AMY2B: variants seen among roughly 807,000 people sequenced by gnomAD.
AMY2B encodes the protein alpha-amylase 2B.
Under a neutral mutation model 59.3 loss-of-function variants are expected in AMY2B, and 63 were observed. That is an observed-to-expected ratio of 1.06 (90% confidence interval 0.87 to 1.31). The LOEUF (loss-of-function observed/expected upper bound fraction) is 1.31. Ranked by LOEUF, AMY2B falls within the 50% of genes most tolerant of loss-of-function variation. The probability of loss-of-function intolerance (pLI) is 0.00; values close to 1 mark genes in which losing one functional copy is unlikely to be tolerated. For missense variants in AMY2B, 635 were observed against 626.7 expected (o/e 1.01, Z -0.14); for synonymous variants, 180 against 198.1 (o/e 0.91, Z 0.77).
At position 103,579,423 on chromosome 1, in the gene AMY2B, G is replaced by A. The variant is rs150795802; in HGVS notation, c.1459G>A (p.Asp487Asn). ...AGGCATTAAAATCTACGTTTCTGAC[G>A]ATGGCAAAGCTCATTTTTCTATTAG... Reference protein sequence around the residue: ...CTGIKIYVSDDGKAHFSISNS... With the variant: ...CTGIKIYVSDNGKAHFSISNS... The change falls in exon 10 of 10, where the codon GAT becomes AAT. Residue 487 changes from aspartate to asparagine, a missense_variant. Physicochemically the swap from Asp to Asn is conservative, Grantham distance 23. Transcript: ENST00000684275. 3.2e-4 allele frequency: 516 copies of A among 1,611,640 alleles called. 1 individual carries two copies. Among genetic ancestry groups the A allele is most frequent in the Non-Finnish European group, 4.0e-4 (466 of 1,179,724 alleles).
intron 9 of AMY2B, among the ~76,000 whole-genome samples, chr1:103,578,399 A>G (rs1652446503): frequency 1.3e-5 from 2 of 152,126 alleles, no homozygotes; most frequent in Non-Finnish European, 2.9e-5. Context: ...TTTGAGTTTT[A>G]GTTCCGAAAC....
At chr1:103,565,893 G>A (rs1421696268) in intron 2 of AMY2B, among the ~76,000 whole-genome samples, 1 of 151,900 alleles carries the variant, frequency 6.6e-6, no homozygotes, top group African/African-American at 2.4e-5. Flanking sequence ...CTATCTCTTT[G>A]TTTTCTGGTC....
chr1:103,576,319 T>C (rs934835901), intron 7 of AMY2B, among the ~76,000 whole-genome samples: 4 of 152,192 alleles, frequency 2.6e-5, no homozygotes, highest in African/African-American at 9.6e-5. Context: ...AGAAGTCTGT[T>C]ACTTTGTATA....
At position 103,572,268 on chromosome 1, in the gene AMY2B, C is replaced by A; in HGVS notation, c.315+12C>A. 5 of 1,606,394 alleles carry A rather than the reference C, an allele frequency of 3.1e-6. No individual in the cohort carries two copies. The highest frequency in any genetic ancestry group is 4.2e-6 in the Non-Finnish European group (5 of 1,176,590). On this transcript the variant is annotated intron_variant, in intron 2 of 9. Coordinates refer to ENST00000684275, the MANE Select transcript of AMY2B (RefSeq NM_001387437.1). ...GTAACAATGTTGGGGTAAGTGAATT[C>A]TAGTTTCCTTGAAAAATAACAGATA...
At chr1:103,571,292 G>T, upstream of AMY2B, 1 of 753,358 alleles carries the variant, frequency 1.3e-6, no homozygotes, top group East Asian at 4.3e-5. Context: ...TTAAAGAGAT[G>T]ACAACAAATT....
chr1:103,576,612 C>G (rs143341276), intron 7 of AMY2B, among the ~76,000 whole-genome samples: 3 of 152,070 alleles, frequency 2.0e-5, no homozygotes, highest in African/African-American at 7.2e-5. Context: ...AAGTGCCAAT[C>G]AGAAAAACAT....
At chr1:103,575,571 T>C in intron 7 of AMY2B, 31 bp downstream of exon 7, 1 of 1,610,364 alleles carries the variant, frequency 6.2e-7, no homozygotes, top group Non-Finnish European at 8.5e-7. Context: ...AACTATCCTT[T>C]TCTCAAGAAA....
intron 1 of AMY2B, 117 bp downstream of exon 1, chr1:103,571,887 A>C (rs1479764326): frequency 1.3e-6 from 2 of 1,594,720 alleles, no homozygotes; most frequent in South Asian, 1.1e-5. Context: ...ATTCTAAGTA[A>C]GAGTTTTCTG....
intron 1 of AMY2B, among the ~76,000 whole-genome samples, chr1:103,558,855 G>A (rs188662994): frequency 6.6e-6 from 1 of 151,080 alleles, no homozygotes; most frequent in Non-Finnish European, 1.5e-5. Context: ...TATTAAACAA[G>A]ATCTAAGGAT....
chr1:103,574,131 T>G, intron 4 of AMY2B, 129 bp from the exon 5 acceptor site: 1 of 1,483,412 alleles, frequency 6.7e-7, no homozygotes, highest in Non-Finnish European at 9.0e-7. Context: ...CAAAAAGAAA[T>G]AATAAATAGC....
At chr1:103,565,216 G>C (rs182298758) in intron 1 of AMY2B, 1 of 152,144 alleles carries the variant, frequency 6.6e-6, no homozygotes, top group African/African-American at 2.4e-5. Flanking sequence ...AAAATCTACA[G>C]ATGCTCAAGT....
chr1:103,556,307 T>G (rs992466588), intron 1 of AMY2B, among the ~76,000 whole-genome samples: 1 of 152,160 alleles, frequency 6.6e-6, no homozygotes, highest in Non-Finnish European at 1.5e-5. Context: ...AGTTGAGATT[T>G]CCCTAGGTGA....
upstream of AMY2B, chr1:103,571,175 C>A: frequency 1.2e-6 from 1 of 821,492 alleles, no homozygotes; most frequent in Non-Finnish European, 1.5e-6. Flanking sequence ...TGCCAGAACA[C>A]CATGGGCTGT....
intron 7 of AMY2B, 169 bp downstream of exon 7, chr1:103,575,709 T>C (rs1487325321): frequency 9.7e-7 from 1 of 1,028,794 alleles, no homozygotes; most frequent in Non-Finnish European, 1.4e-6. Context: ...GTAAAATATA[T>C]ATTTTCCATT....
At chr1:103,568,732 TTATA>T (rs1034526833), upstream of AMY2B, 2 of 151,708 alleles carry the variant, frequency 1.3e-5, no homozygotes, top group African/African-American at 4.8e-5. Context: ...TTATTAGGAT[TTATA>T]TATATACACA....
At chr1:103,555,896 C>A (rs1651532208) in intron 1 of AMY2B, among the ~76,000 whole-genome samples, 1 of 151,848 alleles carries the variant, frequency 6.6e-6, no homozygotes, top group African/African-American at 2.4e-5. Context: ...AAACATAATG[C>A]CGGAAAGAGA....
intron 7 of AMY2B, 134 bp downstream of exon 7, chr1:103,575,674 TA>T: frequency 2.3e-6 from 3 of 1,325,792 alleles, no homozygotes; most frequent in Non-Finnish European, 2.1e-6. Context: ...GCTGCGATTT[TA>T]GTAATGCAGG....
chr1:103,557,976 G>A (rs1449575984), intron 1 of AMY2B, among the ~76,000 whole-genome samples: 3 of 151,958 alleles, frequency 2.0e-5, no homozygotes, highest in Non-Finnish European at 4.4e-5. Context: ...ATTTAAACTC[G>A]CATTTCTTAT....
intron 2 of AMY2B, chr1:103,565,645 C>A (rs1341870210): frequency 6.7e-6 from 1 of 150,084 alleles, no homozygotes; most frequent in East Asian, 2.0e-4. Context: ...GATCAAACTC[C>A]CTTCTGCAAA....
Sources: allele counts gnomAD v4.1 joint callset (sites outside exome capture counted in the v4.1 genomes callset), GRCh38; gene constraint gnomAD v4.1.1; transcripts MANE v1.5; gene names NCBI Gene and HGNC (gene_info 2026-07-23, HGNC 2026-07-21).